NRG1: variants seen among roughly 807,000 people sequenced by gnomAD.
NRG1 encodes pro-neuregulin-1, membrane-bound isoform.
A neutral mutation model predicts 63.8 loss-of-function variants in NRG1; 18 were observed. That is an observed-to-expected ratio of 0.28 (90% confidence interval 0.19 to 0.42). NRG1 has a LOEUF of 0.42. NRG1 is among the 10% of genes least tolerant of loss of function. The pLI is 1.00. For missense variants in NRG1, 762 were observed against 814.7 expected (o/e 0.94, Z 0.79); for synonymous variants, 302 against 301.3 (o/e 1.00, Z -0.02).
chr8:32,432,729 A>T (rs1818298585), intron 1 of NRG1, among the ~76,000 whole-genome samples: 1 of 151,858 alleles, frequency 6.6e-6, no homozygotes, highest in Admixed American at 6.6e-5. Context: ...CTTTTACTCA[A>T]GCAATCCTCC....
chr8:32,196,276 G>T lies in NRG1; in HGVS notation c.38-399552G>T, dbSNP rs1842944420. Among the ~76,000 whole-genome samples the T allele has an allele frequency of 2.0e-5, 3 of 152,050 alleles. No individual in the cohort carries two copies. The South Asian group carries it at 6.2e-4, about 32-fold the overall frequency. ...TGATAACAGAGATCCCTGGTCTGGG[G>T]AGGTCCCACTCTCAGAGCAATTACG... On this transcript the variant is annotated intron_variant, in intron 1 of 10. Transcript: ENST00000519301.
In NRG1 at chr8:32,268,854, C is replaced by G. The variant is rs1481764; in HGVS notation, c.38-326974C>G. Among the ~76,000 whole-genome samples, 4 of 152,114 alleles carry G rather than the reference C, an allele frequency of 2.6e-5. No individual in the cohort carries two copies. The Middle Eastern group carries it at 0.014, about 521-fold the overall frequency. On this transcript the variant is annotated intron_variant, in intron 1 of 10. Transcript: ENST00000519301. ...CCCTGTGCAAGTCTCCAGGGAAGCA[C>G]GAAGGACGGGTAAATCAGAGTCCCA...
At chr8:32,372,594 A>G (rs1809049349) in intron 1 of NRG1, among the ~76,000 whole-genome samples, 2 of 152,280 alleles carry the variant, frequency 1.3e-5, no homozygotes, top group South Asian at 4.1e-4. Flanking sequence ...GAAGGAAGGG[A>G]TGATGAAGGC....
intron 1 of NRG1, among the ~76,000 whole-genome samples, chr8:31,755,149 G>C (rs1287522112): frequency 6.6e-6 from 1 of 150,870 alleles, no homozygotes; most frequent in African/African-American, 2.4e-5. Context: ...CTAATGACTA[G>C]TTTTTGGCTC....
At chr8:31,662,872 C>A (rs1295699309) in intron 1 of NRG1, among the ~76,000 whole-genome samples, 2 of 152,152 alleles carry the variant, frequency 1.3e-5, no homozygotes, top group East Asian at 3.9e-4. Context: ...GGTTCCTCTT[C>A]TCCTCATCCT....
chr8:32,648,095 C>T (rs771642512), intron 5 of NRG1: 35 of 1,613,972 alleles, frequency 2.2e-5, no homozygotes, highest in Admixed American at 1.3e-4. Flanking sequence ...TTTCTCTGGA[C>T]GCAACTGCTG....
chr8:32,300,595 T>C lies in NRG1; in HGVS notation c.38-295233T>C, dbSNP rs1484201119. On this transcript the variant is annotated intron_variant, in intron 1 of 10. Coordinates refer to the NRG1 transcript ENST00000519301. ...AAACATTATTTCAGTAGAAACAGAT[T>C]GGTGGCTGCAGTTGATTATTAAAGA... 3.3e-5 allele frequency among the ~76,000 whole-genome samples: 5 copies of C among 152,324 alleles called. No homozygotes were observed. In the East Asian group the frequency reaches 9.6e-4, roughly 29 times the overall value.
intron 1 of NRG1, among the ~76,000 whole-genome samples, chr8:32,542,224 C>T (rs10503919): frequency 1.3e-5 from 2 of 152,140 alleles, no homozygotes; most frequent in South Asian, 4.2e-4. Flanking sequence ...CATTTTATAA[C>T]CTCACCTTTT....
Position 31,715,120 on chromosome 8 carries a change from G to A in NRG1, c.37+75689G>A, listed in dbSNP as rs1286225681. Among the ~76,000 whole-genome samples, 3 of 152,012 alleles carry A rather than the reference G, an allele frequency of 2.0e-5. No homozygotes were observed. The East Asian group carries it at 5.8e-4, about 29-fold the overall frequency. On this transcript the variant is annotated intron_variant, in intron 1 of 10. Transcript: ENST00000519301. Reference sequence around the variant, plus strand: ...GGATGAATGTATAATTGATTAAGGAGATCTATTTAATATAAAGCTTATAAT... The same window carrying A: ...GGATGAATGTATAATTGATTAAGGAAATCTATTTAATATAAAGCTTATAAT...
At chr8:32,240,485 C>T (rs996792951) in intron 1 of NRG1, among the ~76,000 whole-genome samples, 17 of 152,020 alleles carry the variant, frequency 1.1e-4, no homozygotes, top group Admixed American at 1.1e-3. Flanking sequence ...ATCCTCATTG[C>T]TGGTGTTCAC....
intron 1 of NRG1, among the ~76,000 whole-genome samples, chr8:32,564,474 T>A (rs929995847): frequency 6.6e-6 from 1 of 152,190 alleles, no homozygotes; most frequent in Non-Finnish European, 1.5e-5. Flanking sequence ...TCTAGTACAG[T>A]GGCTTCACCA....
At chr8:31,641,283 C>A (rs746093760) in intron 1 of NRG1, among the ~76,000 whole-genome samples, 2 of 151,776 alleles carry the variant, frequency 1.3e-5, no homozygotes, top group African/African-American at 4.8e-5. Flanking sequence ...GCAGTCTGTA[C>A]CTTGTGAATA....
chr8:32,231,268 T>C (rs76176298), intron 1 of NRG1, among the ~76,000 whole-genome samples: 6,944 of 152,294 alleles, frequency 0.046, 233 homozygotes, highest in South Asian at 0.094. Context: ...TTAGATGTAT[T>C]AAATTTATCA....
At chr8:32,460,913 G>C (rs1027561576) in intron 1 of NRG1, among the ~76,000 whole-genome samples, 2 of 151,976 alleles carry the variant, frequency 1.3e-5, no homozygotes, top group African/African-American at 4.8e-5. Context: ...CAACACAAAA[G>C]ACTGTGTCTA....
At chr8:32,102,675 A>G (rs1830726475) in intron 1 of NRG1, among the ~76,000 whole-genome samples, 1 of 152,208 alleles carries the variant, frequency 6.6e-6, no homozygotes, top group African/African-American at 2.4e-5. Context: ...CATACCCATC[A>G]GTCTTCCAGG....
intron 1 of NRG1, among the ~76,000 whole-genome samples, chr8:31,785,912 T>C (rs1456610548): frequency 6.6e-6 from 1 of 152,196 alleles, no homozygotes; most frequent in Non-Finnish European, 1.5e-5. Context: ...TCACCTCCCA[T>C]TTAAAACATC....
intron 1 of NRG1, among the ~76,000 whole-genome samples, chr8:31,674,201 C>T (rs1807444890): frequency 6.6e-6 from 1 of 152,062 alleles, no homozygotes; most frequent in Non-Finnish European, 1.5e-5. Context: ...TGGATTGTTT[C>T]CACTTTTTGA....
At chr8:32,582,175 G>A (rs1223373311) in intron 1 of NRG1, among the ~76,000 whole-genome samples, 1 of 151,488 alleles carries the variant, frequency 6.6e-6, no homozygotes, top group Non-Finnish European at 1.5e-5. Flanking sequence ...TCAGTTCACT[G>A]AAGCCTAAAC....
chr8:32,064,816 G>C (rs375642192), intron 1 of NRG1, among the ~76,000 whole-genome samples: 1 of 151,946 alleles, frequency 6.6e-6, no homozygotes, highest in Non-Finnish European at 1.5e-5. Context: ...ATAAACATTA[G>C]TATAAAACTT....
Sources: allele counts gnomAD v4.1 joint callset (sites outside exome capture counted in the v4.1 genomes callset), GRCh38; gene constraint gnomAD v4.1.1; transcripts MANE v1.5; gene names NCBI Gene and HGNC (gene_info 2026-07-23, HGNC 2026-07-21).